The following ACYP2 variants were observed in gnomAD, a reference collection of about 807,000 sequenced individuals.
The protein encoded by ACYP2 is acylphosphatase 2.
ACYP2 carries 12 observed loss-of-function variants against 11.2 expected under a neutral mutation model. The observed-to-expected ratio is 1.08, with a 90% confidence interval of 0.69 to 1.74. The LOEUF (loss-of-function observed/expected upper bound fraction) is 1.74, where lower values mean the gene tolerates loss of function less well. Ranked by LOEUF, ACYP2 falls within the 40% of genes most tolerant of loss-of-function variation. The pLI, the probability that ACYP2 is intolerant of heterozygous loss-of-function variation, is 0.00. For missense variants in ACYP2, 134 were observed against 101.9 expected (o/e 1.31, Z -1.35); for synonymous variants, 43 against 32.2 (o/e 1.33, Z -1.13).
intron 2 of ACYP2, among the ~76,000 whole-genome samples, chr2:54,015,159 G>A (rs1325143651): frequency 1.3e-5 from 2 of 151,960 alleles, no homozygotes; most frequent in Non-Finnish European, 2.9e-5. Flanking sequence ...TTGAGGTCAG[G>A]TATTTGAGAT....
chr2:54,019,230 C>T (rs562060627), intron 2 of ACYP2, among the ~76,000 whole-genome samples: 8 of 151,698 alleles, frequency 5.3e-5, no homozygotes, highest in African/African-American at 1.9e-4. Flanking sequence ...CCACACTTGG[C>T]TAATTTTTAA....
chr2:53,994,052 T>C (rs1672434729), intron 2 of ACYP2, among the ~76,000 whole-genome samples: 1 of 151,780 alleles, frequency 6.6e-6, no homozygotes. Flanking sequence ...GCCAGGCGGC[T>C]GGGCGTAGTG....
intron 6 of ACYP2, among the ~76,000 whole-genome samples, chr2:54,171,804 T>C (rs1336478199): frequency 1.3e-5 from 2 of 152,150 alleles, no homozygotes; most frequent in African/African-American, 2.4e-5. Flanking sequence ...AAAAACGGCT[T>C]TTTAGTTCTT....
In ACYP2 at chr2:54,093,699, G is replaced by A. The variant is rs142401640; in HGVS notation, c.277+36339G>A. 9.9e-5 allele frequency among the ~76,000 whole-genome samples: 15 copies of A among 152,190 alleles called. No homozygotes were observed. The East Asian group carries it at 1.2e-3, about 12-fold the overall frequency. On this transcript the variant is annotated intron_variant, in intron 4 of 6. Coordinates refer to ENST00000607452, the MANE Select transcript of ACYP2 (RefSeq NM_001320586.2). ...CTCACGCCTGTAATTCCAGCACTTC[G>A]GGAGGCCGAGGCGGGTGGATCACGA...
intron 6 of ACYP2, among the ~76,000 whole-genome samples, chr2:54,192,519 T>G (rs1488305437): frequency 6.6e-6 from 1 of 152,202 alleles, no homozygotes; most frequent in East Asian, 1.9e-4. Context: ...CCAGTTTTAT[T>G]GATATAAGTT....
At chr2:54,266,572 ATATAGATATCTATC>A (rs1558655746) in intron 6 of ACYP2, among the ~76,000 whole-genome samples, 18 of 140,704 alleles carry the variant, frequency 1.3e-4, no homozygotes, top group African/African-American at 4.2e-4. Flanking sequence ...AGATAGATAG[ATATAGATATCTATC>A]TATCTTTTTT....
At chr2:54,209,372 A>G (rs1252542279) in intron 6 of ACYP2, among the ~76,000 whole-genome samples, 3 of 152,156 alleles carry the variant, frequency 2.0e-5, no homozygotes, top group Admixed American at 6.5e-5. Flanking sequence ...CCATCCTAGA[A>G]TTGTTTCTTA....
chr2:54,086,296 C>G (rs1022408983), intron 4 of ACYP2, among the ~76,000 whole-genome samples: 9 of 152,088 alleles, frequency 5.9e-5, no homozygotes, highest in Non-Finnish European at 1.3e-4. Context: ...TCATAAAGAC[C>G]TCTGCACTAG....
chr2:54,282,400 A>T (rs1007718818), intron 6 of ACYP2, among the ~76,000 whole-genome samples: 1 of 152,160 alleles, frequency 6.6e-6, no homozygotes, highest in South Asian at 2.1e-4. Context: ...ACCCTGCTCC[A>T]CATTTTGCTT....
intron 4 of ACYP2, among the ~76,000 whole-genome samples, chr2:54,125,813 G>A (rs762663770): frequency 5.9e-5 from 9 of 152,086 alleles, no homozygotes; most frequent in Non-Finnish European, 1.0e-4. Flanking sequence ...TGGGCACAGT[G>A]GCTCACGCCT....
chr2:54,219,023 A>G (rs999385198), intron 6 of ACYP2, among the ~76,000 whole-genome samples: 15 of 152,196 alleles, frequency 9.9e-5, no homozygotes, highest in Non-Finnish European at 1.5e-4. Flanking sequence ...TCTAGAGTCT[A>G]TATCTTGGAT....
intron 6 of ACYP2, among the ~76,000 whole-genome samples, chr2:54,154,594 G>A (rs1018419888): frequency 6.6e-6 from 1 of 152,126 alleles, no homozygotes; most frequent in Non-Finnish European, 1.5e-5. Context: ...TGCATGTGTT[G>A]AATCATCTTT....
At chr2:54,273,073 C>T (rs979142411) in intron 6 of ACYP2, among the ~76,000 whole-genome samples, 3 of 152,212 alleles carry the variant, frequency 2.0e-5, no homozygotes, top group Non-Finnish European at 4.4e-5. Context: ...AGGCTTTTCT[C>T]TGACAAAGTT....
At chr2:54,065,077 C>G (rs1296477539) in intron 4 of ACYP2, among the ~76,000 whole-genome samples, 1 of 146,484 alleles carries the variant, frequency 6.8e-6, no homozygotes, top group African/African-American at 2.6e-5. Context: ...GAGTGAGACT[C>G]CATCTCTAAA....
At chr2:54,145,784 ACT>A (rs904557318) in intron 6 of ACYP2, among the ~76,000 whole-genome samples, 1 of 152,142 alleles carries the variant, frequency 6.6e-6, no homozygotes, top group African/African-American at 2.4e-5. Context: ...GAAAACAGAA[ACT>A]CTATATATCC....
At chr2:54,173,249 G>T (rs1385089932) in intron 6 of ACYP2, among the ~76,000 whole-genome samples, 2 of 152,224 alleles carry the variant, frequency 1.3e-5, no homozygotes, top group Non-Finnish European at 2.9e-5. Context: ...TAACTGGTGT[G>T]AGATGGTATC....
intron 6 of ACYP2, among the ~76,000 whole-genome samples, chr2:54,180,727 G>A (rs1009625905): frequency 6.6e-6 from 1 of 152,004 alleles, no homozygotes; most frequent in African/African-American, 2.4e-5. Flanking sequence ...GCTAATTTTT[G>A]TATTTTTTTG....
intron 4 of ACYP2, among the ~76,000 whole-genome samples, chr2:54,118,677 A>G (rs1486117095): frequency 1.3e-5 from 2 of 152,244 alleles, no homozygotes; most frequent in Non-Finnish European, 2.9e-5. Flanking sequence ...AATTTGGACC[A>G]GCAGTAAAAA....
chr2:54,256,603 T>C lies in ACYP2; in HGVS notation c.405-48085T>C, dbSNP rs1687550872. Among the ~76,000 whole-genome samples, 3 of 152,322 alleles carry C rather than the reference T, an allele frequency of 2.0e-5. No homozygotes were observed. The South Asian group carries it at 6.2e-4, about 32-fold the overall frequency. ...CCAGTATAGGTATTACAAATATTTC[T>C]CTTCCAGTATAGGTATTACAAATAT... On this transcript the variant is annotated intron_variant, in intron 6 of 6. Coordinates refer to ENST00000607452, the MANE Select transcript of ACYP2 (RefSeq NM_001320586.2).
Sources: allele counts gnomAD v4.1 joint callset (sites outside exome capture counted in the v4.1 genomes callset), GRCh38; gene constraint gnomAD v4.1.1; transcripts MANE v1.5; gene names NCBI Gene and HGNC (gene_info 2026-07-23, HGNC 2026-07-21).